The following HDAC4 variants were observed in gnomAD, a reference collection of about 807,000 sequenced individuals.
HDAC4 encodes the protein histone deacetylase 4.
HDAC4 carries 16 observed loss-of-function variants against 135.1 expected under a neutral mutation model. The ratio of observed to expected loss-of-function variants is 0.12; its 90% confidence interval spans 0.08 to 0.18. The LOEUF (loss-of-function observed/expected upper bound fraction) is 0.18, where lower values mean the gene tolerates loss of function less well. Ranked by LOEUF, HDAC4 falls within the 10% of genes least tolerant of loss-of-function variation. HDAC4 has a pLI of 1.00. For synonymous variants in HDAC4, 685 were observed against 653.4 expected (o/e 1.05, Z -0.74); for missense variants, 1,143 against 1,511.8 (o/e 0.76, Z 4.05).
At chr2:239,340,246 A>T (rs1273547590) in intron 2 of HDAC4, among the ~76,000 whole-genome samples, 1 of 152,252 alleles carries the variant, frequency 6.6e-6, no homozygotes, top group Non-Finnish European at 1.5e-5. Context: ...AAGCATGGAC[A>T]CAGCCCCACC....
In HDAC4 at chr2:239,141,691, A is replaced by G. The variant is rs1201275374; in HGVS notation, c.866-1895T>C. Among the ~76,000 whole-genome samples, 2 of 152,106 alleles carry G rather than the reference A, an allele frequency of 1.3e-5. No individual in the cohort carries two copies. The highest frequency in any genetic ancestry group is 2.9e-5 in the Non-Finnish European group (2 of 68,006). On this transcript the variant is annotated intron_variant, in intron 8 of 26. Coordinates refer to ENST00000543185, the MANE Select transcript of HDAC4 (RefSeq NM_001378414.1). The surrounding 1 kb of genome is among the most constrained non-coding windows in gnomAD (Gnocchi z 4.9). ...GTCAAGCTGTCTCCAGCTACACACC[A>G]AGATCCAGCAGATCTTCCCTGTAAT...
intron 7 of HDAC4, among the ~76,000 whole-genome samples, chr2:239,144,936 T>C (rs1162704163): frequency 6.6e-6 from 1 of 152,136 alleles, no homozygotes; most frequent in Non-Finnish European, 1.5e-5. Context: ...TTTGGATAAA[T>C]TTCTGTGGCC....
chr2:239,391,900 G>A (rs564596653), intron 1 of HDAC4, among the ~76,000 whole-genome samples: 107 of 119,134 alleles, frequency 9.0e-4, no homozygotes, highest in African/African-American at 2.5e-3. Context: ...ACAGAACTTC[G>A]TCAGAACGCA....
chr2:239,099,420 C>T (rs956932117), intron 16 of HDAC4, among the ~76,000 whole-genome samples: 2 of 152,216 alleles, frequency 1.3e-5, no homozygotes, highest in Admixed American at 6.5e-5. Context: ...GTGGCAGCCC[C>T]GGTGACATCG....
At chr2:239,183,289 A>G (rs2044269575) in intron 4 of HDAC4, among the ~76,000 whole-genome samples, 1 of 152,274 alleles carries the variant, frequency 6.6e-6, no homozygotes. Context: ...TTCAAGTGGT[A>G]ACCCAAAAAG....
intron 3 of HDAC4, among the ~76,000 whole-genome samples, chr2:239,236,327 T>A (rs2047883947): frequency 6.6e-6 from 1 of 152,082 alleles, no homozygotes; most frequent in Admixed American, 6.5e-5. Context: ...GTTGGTGCCT[T>A]TGGGAAGAAC....
rs189390551 is a variant in HDAC4, at chr2:239,303,715, C to G, written c.22+48963G>C. Among the ~76,000 whole-genome samples, 23 of 152,232 alleles carry G rather than the reference C, an allele frequency of 1.5e-4. No homozygotes were observed. The highest frequency in any genetic ancestry group is 5.5e-4 in the African/African-American group (23 of 41,538). ...TTTGTAAAACTTGCTCACTTGTAAACAACGTCGGGCAGCAACTGCAGGCCT... is the reference window on the plus strand; with the variant it reads ...TTTGTAAAACTTGCTCACTTGTAAAGAACGTCGGGCAGCAACTGCAGGCCT... On this transcript the variant is annotated intron_variant, in intron 2 of 26. Coordinates refer to ENST00000543185, the MANE Select transcript of HDAC4 (RefSeq NM_001378414.1). This position sits in a 1 kb window ranked among gnomAD's most constrained non-coding sequence, Gnocchi z 5.1.
rs187478640 is a variant in HDAC4 at position 239,200,146 on chromosome 2, C to T, written c.95-10069G>A. ...AGCGCTGTTATTGGGTTGGGACTTA[C>T]GAACTATCGATCTTTACTGGCGTTT... On this transcript the variant is annotated intron_variant, in intron 3 of 26. Coordinates refer to ENST00000543185, the MANE Select transcript of HDAC4 (RefSeq NM_001378414.1). Among the ~76,000 whole-genome samples the T allele has an allele frequency of 1.4e-4, 21 of 152,276 alleles. No individual in the cohort carries two copies. In the East Asian group the frequency reaches 2.3e-3, roughly 17 times the overall value.
intron 21 of HDAC4, 94 bp downstream of exon 21, chr2:239,082,008 C>T: frequency 1.4e-6 from 2 of 1,401,294 alleles, no homozygotes; most frequent in Admixed American, 3.4e-5. Flanking sequence ...GCACTCACTG[C>T]TGCCGGGCAG....
intron 1 of HDAC4, 93 bp from the exon 2 acceptor site, chr2:239,353,011 CT>C (rs938473741): frequency 1.1e-3 from 398 of 377,644 alleles, no homozygotes; most frequent in African/African-American, 2.1e-3. Context: ...ATGACTTCCT[CT>C]TTTTTTTTGG....
intron 24 of HDAC4, among the ~76,000 whole-genome samples, chr2:239,063,404 C>T (rs1353397221): frequency 6.6e-6 from 1 of 152,086 alleles, no homozygotes; most frequent in Non-Finnish European, 1.5e-5. Context: ...CGGGGTTTCA[C>T]CATGTTAGCC....
chr2:239,280,352 C>T (rs987337308), intron 2 of HDAC4, among the ~76,000 whole-genome samples: 2 of 152,188 alleles, frequency 1.3e-5, no homozygotes, highest in Admixed American at 6.5e-5. Context: ...CTCCACTTCA[C>T]GTTACATGCA....
intron 22 of HDAC4, among the ~76,000 whole-genome samples, chr2:239,073,396 A>C (rs949238468): frequency 1.3e-5 from 2 of 152,224 alleles, no homozygotes; most frequent in Admixed American, 1.3e-4. Flanking sequence ...GTCAGATAGG[A>C]GGCACCTGAC....
At chr2:239,290,191 T>A (rs2051378833) in intron 2 of HDAC4, among the ~76,000 whole-genome samples, 2 of 152,100 alleles carry the variant, frequency 1.3e-5, no homozygotes, top group Admixed American at 6.5e-5. Context: ...ACTAAATTTA[T>A]TTTTTTTCAA....
At chr2:239,292,149 G>A (rs1171573072) in intron 2 of HDAC4, among the ~76,000 whole-genome samples, 2 of 152,216 alleles carry the variant, frequency 1.3e-5, no homozygotes, top group African/African-American at 4.8e-5. Flanking sequence ...CAAGGGGACG[G>A]CCAGGATGGT....
intron 2 of HDAC4, among the ~76,000 whole-genome samples, chr2:239,278,419 T>A (rs2050516715): frequency 6.6e-6 from 1 of 152,238 alleles, no homozygotes; most frequent in South Asian, 2.1e-4. Flanking sequence ...CTCACGCCTA[T>A]AATCTCAGCA....
chr2:239,162,285 G>A (rs1293446091), intron 6 of HDAC4: 6 of 456,608 alleles, frequency 1.3e-5, no homozygotes, highest in Admixed American at 9.4e-5. Context: ...CCCTGCCCTG[G>A]TCCAGCAGGC....
At chr2:239,337,808 T>A (rs2125850408) in intron 2 of HDAC4, among the ~76,000 whole-genome samples, 1 of 152,206 alleles carries the variant, frequency 6.6e-6, no homozygotes. Flanking sequence ...TCGGCTGAGA[T>A]CTGCAGACTG....
At chr2:239,222,292 T>C (rs1246112114) in intron 3 of HDAC4, among the ~76,000 whole-genome samples, 1 of 152,236 alleles carries the variant, frequency 6.6e-6, no homozygotes, top group East Asian at 1.9e-4. Context: ...ACGCAAGTGT[T>C]AGATTTTTTC....
Sources: gnomAD v4.1 joint callset for allele counts (sites outside exome capture counted in the v4.1 genomes callset) on GRCh38, gnomAD v4.1.1 for gene constraint, Gnocchi (gnomAD v3.1) non-coding constraint, MANE v1.5 for transcripts, NCBI Gene and HGNC (gene_info 2026-07-23, HGNC 2026-07-21) for gene names.